PCDH15: variants seen among roughly 807,000 people sequenced by gnomAD.
PCDH15 encodes the protein protocadherin related 15.
PCDH15 carries 129 observed loss-of-function variants against 178.5 expected under a neutral mutation model. The ratio of observed to expected loss-of-function variants is 0.72; its 90% CI spans 0.63 to 0.84. The LOEUF is 0.84. Among genes scored for constraint, PCDH15 ranks in the 40% least tolerant of loss-of-function variants. The pLI is 0.00. For synonymous variants in PCDH15, 800 were observed against 732.0 expected (o/e 1.09, Z -1.50); for missense variants, 2,230 against 2,099.9 (o/e 1.06, Z -1.21).
At chr10:54,446,960 T>A (rs1415238350) in intron 3 of PCDH15, among the ~76,000 whole-genome samples, 2 of 151,610 alleles carry the variant, frequency 1.3e-5, no homozygotes, top group Non-Finnish European at 3.0e-5. Flanking sequence ...TTGCTCAGGA[T>A]GTTATCAGAG....
chr10:55,276,857 C>A (rs752950568), intron 1 of PCDH15, among the ~76,000 whole-genome samples: 46 of 151,172 alleles, frequency 3.0e-4, no homozygotes, highest in Non-Finnish European at 5.3e-4. Flanking sequence ...CCATAAGTTA[C>A]CCAGATTGGG....
intron 2 of PCDH15, among the ~76,000 whole-genome samples, chr10:55,114,317 C>T (rs932199379): frequency 6.6e-6 from 1 of 152,176 alleles, no homozygotes; most frequent in African/African-American, 2.4e-5. Flanking sequence ...AATAAAACTA[C>T]GTTCTTTTCA....
At chr10:55,212,983 A>G (rs576534807) in intron 1 of PCDH15, among the ~76,000 whole-genome samples, 27 of 152,248 alleles carry the variant, frequency 1.8e-4, no homozygotes, top group African/African-American at 6.5e-4. Context: ...AGAGCTCAAC[A>G]TTACCTCACC....
At chr10:54,678,845 T>C (rs962518462) in intron 1 of PCDH15, among the ~76,000 whole-genome samples, 3 of 152,132 alleles carry the variant, frequency 2.0e-5, no homozygotes, top group Non-Finnish European at 4.4e-5. Flanking sequence ...GATGATATAG[T>C]TGGAATTCTC....
At chr10:54,740,986 A>C (rs1176413593) in intron 1 of PCDH15, among the ~76,000 whole-genome samples, 1 of 151,894 alleles carries the variant, frequency 6.6e-6, no homozygotes, top group Non-Finnish European at 1.5e-5. Flanking sequence ...ACAATAACTT[A>C]TTGTACATTT....
chr10:55,562,240 T>C (rs769882155), intron 2 of PCDH15, among the ~76,000 whole-genome samples: 2 of 151,976 alleles, frequency 1.3e-5, no homozygotes, highest in Non-Finnish European at 2.9e-5. Flanking sequence ...TGGAATACCA[T>C]TGTTGTCCCT....
At chr10:55,234,374 T>C (rs1305825836) in intron 1 of PCDH15, among the ~76,000 whole-genome samples, 2 of 152,104 alleles carry the variant, frequency 1.3e-5, no homozygotes, top group African/African-American at 4.8e-5. Flanking sequence ...TGAGTTAATA[T>C]GAAAAATTTA....
chr10:54,622,676 A>AAT (rs1491381927), intron 2 of PCDH15, among the ~76,000 whole-genome samples: 1 of 77,456 alleles, frequency 1.3e-5, no homozygotes, highest in Non-Finnish European at 2.4e-5. Context: ...TATTATATAT[A>AAT]ATATATATTA....
intron 2 of PCDH15, among the ~76,000 whole-genome samples, chr10:55,150,664 G>A (rs1838684224): frequency 6.6e-6 from 1 of 152,030 alleles, no homozygotes; most frequent in African/African-American, 2.4e-5. Flanking sequence ...GCGTAATAAT[G>A]ACAATGTCAT....
intron 1 of PCDH15, among the ~76,000 whole-genome samples, chr10:54,731,918 G>A (rs1468749289): frequency 1.3e-5 from 2 of 150,916 alleles, no homozygotes; most frequent in Non-Finnish European, 3.0e-5. Context: ...TGCAATGATT[G>A]ATAGTATATT....
intron 27 of PCDH15, among the ~76,000 whole-genome samples, chr10:53,864,941 G>A (rs1436077710): frequency 6.6e-5 from 10 of 152,098 alleles, no homozygotes; most frequent in Non-Finnish European, 1.0e-4. Flanking sequence ...AAGCCGTCAT[G>A]TAACAATACT....
Position 54,876,113 on chromosome 10 carries a change from C to T in PCDH15, c.-29+21337G>A, listed in dbSNP as rs371527248. 5.3e-5 allele frequency among the ~76,000 whole-genome samples: 8 copies of T among 152,010 alleles called. No homozygotes were observed. In the East Asian group the frequency reaches 1.5e-3, roughly 29 times the overall value. ...ACTTACCATTCAGAAAATCCTAGGGCCCTTAAAAACTGGTTAAATCTACTC... is the reference window on the plus strand; with the variant it reads ...ACTTACCATTCAGAAAATCCTAGGGTCCTTAAAAACTGGTTAAATCTACTC... On this transcript the variant is annotated intron_variant, in intron 3 of 5. Transcript: ENST00000458638.
chr10:53,851,671 A>AATATATATATATATATATAT (rs71004485), intron 28 of PCDH15, among the ~76,000 whole-genome samples: 1 of 104,570 alleles, frequency 9.6e-6, no homozygotes, highest in Non-Finnish European at 2.1e-5. Flanking sequence ...TCCTCCTAGA[A>AATATATATATATATATATAT]ATATATATAT....
At position 54,960,681 on chromosome 10, in the gene PCDH15, T is replaced by C. The variant is rs560087064; in HGVS notation, c.-79-63181A>G. On this transcript the variant is annotated intron_variant, in intron 2 of 5. Coordinates refer to the PCDH15 transcript ENST00000458638. ...TATTAAGAAGGTCAAAAGCTTCTTTTACAAAAATAATAATATGGTTGAAAT... is the reference window on the plus strand; with the variant it reads ...TATTAAGAAGGTCAAAAGCTTCTTTCACAAAAATAATAATATGGTTGAAAT... Among the ~76,000 whole-genome samples the C allele has an allele frequency of 2.6e-5, 4 of 152,350 alleles. No homozygotes were observed. In the East Asian group the frequency reaches 7.7e-4, roughly 29 times the overall value.
intron 7 of PCDH15, among the ~76,000 whole-genome samples, chr10:54,318,972 T>C (rs940530576): frequency 6.6e-6 from 1 of 152,196 alleles, no homozygotes; most frequent in Non-Finnish European, 1.5e-5. Flanking sequence ...GAATGGGTAG[T>C]AATTTTATTA....
At chr10:55,053,098 A>G (rs1008138269) in intron 2 of PCDH15, among the ~76,000 whole-genome samples, 7 of 152,206 alleles carry the variant, frequency 4.6e-5, no homozygotes, top group Non-Finnish European at 2.9e-5. Flanking sequence ...GGACATCATA[A>G]TCCTATTATA....
At chr10:55,518,447 A>G (rs1841073145) in intron 2 of PCDH15, among the ~76,000 whole-genome samples, 1 of 151,938 alleles carries the variant, frequency 6.6e-6, no homozygotes, top group Non-Finnish European at 1.5e-5. Flanking sequence ...AGCCTCATGC[A>G]TTTCAAGGAA....
intron 18 of PCDH15, among the ~76,000 whole-genome samples, chr10:54,029,121 T>C (rs2093217124): frequency 6.6e-6 from 1 of 152,112 alleles, no homozygotes; most frequent in Non-Finnish European, 1.5e-5. Flanking sequence ...TTAAGCAACA[T>C]GAGCTGGCTA....
intron 8 of PCDH15, among the ~76,000 whole-genome samples, chr10:54,296,481 C>A (rs1591648806): frequency 6.6e-6 from 1 of 152,292 alleles, no homozygotes; most frequent in East Asian, 1.9e-4. Context: ...GTCAGACAAA[C>A]TTCCTCTTGC....
Sources: allele counts gnomAD v4.1 joint callset (sites outside exome capture counted in the v4.1 genomes callset), GRCh38; gene constraint gnomAD v4.1.1; transcripts MANE v1.5; gene names NCBI Gene and HGNC (gene_info 2026-07-23, HGNC 2026-07-21).